TBC1D22A: variants seen among roughly 807,000 people sequenced by gnomAD.
TBC1D22A encodes the protein putative GTPase activator.
A neutral mutation model predicts 60.2 loss-of-function variants in TBC1D22A; 38 were observed. That is an observed-to-expected ratio of 0.63 (90% CI 0.49 to 0.83). The LOEUF is 0.83. Among genes scored for constraint, TBC1D22A ranks in the 40% least tolerant of loss-of-function variants. The pLI, the probability that TBC1D22A is intolerant of heterozygous loss-of-function variation, is 0.00. For synonymous variants in TBC1D22A, 302 were observed against 281.7 expected, an observed-to-expected ratio of 1.07 and a Z score of -0.72; for missense variants, 628 against 701.0, an observed-to-expected ratio of 0.90 and a Z score of 1.18.
rs188464600 is a variant in TBC1D22A, at chr22:46,843,598, C to T, written c.638-35055C>T. ...AAGTTGGGGCTGGGAGTGGGTATCACGCGTTCTGTAGATGACGTCTGTAGA... is the reference window on the plus strand; with the variant it reads ...AAGTTGGGGCTGGGAGTGGGTATCATGCGTTCTGTAGATGACGTCTGTAGA... On this transcript the variant is annotated intron_variant, in intron 4 of 12. Transcript: ENST00000337137. Among the ~76,000 whole-genome samples the T allele has an allele frequency of 5.6e-4, 85 of 152,082 alleles. 1 individual carries two copies. The highest frequency in any genetic ancestry group is 2.6e-3 in the Admixed American group (39 of 15,294).
intron 7 of TBC1D22A, among the ~76,000 whole-genome samples, 196 bp from the exon 8 acceptor site, chr22:46,911,878 C>G (rs1336739297): frequency 1.3e-5 from 2 of 150,240 alleles, no homozygotes; most frequent in Non-Finnish European, 2.9e-5. Context: ...GAGATGGCAC[C>G]ACTGCACTCT....
At chr22:46,816,881 T>C (rs552930240) in intron 4 of TBC1D22A, among the ~76,000 whole-genome samples, 2 of 152,232 alleles carry the variant, frequency 1.3e-5, no homozygotes, top group East Asian at 1.9e-4. Context: ...TTCCCTCTGA[T>C]TGAACCTCAT....
At chr22:47,159,215 G>A (rs992436134) in intron 12 of TBC1D22A, among the ~76,000 whole-genome samples, 2 of 145,080 alleles carry the variant, frequency 1.4e-5, no homozygotes, top group Non-Finnish European at 3.0e-5. Flanking sequence ...CATACACCAT[G>A]TATGCACACA....
At chr22:47,087,680 T>C (rs1316819348) in intron 11 of TBC1D22A, among the ~76,000 whole-genome samples, 2 of 152,354 alleles carry the variant, frequency 1.3e-5, no homozygotes, top group South Asian at 2.1e-4. Flanking sequence ...TAAGTAATTA[T>C]GATAATGTTA....
At chr22:46,866,925 C>G (rs974629108) in intron 4 of TBC1D22A, among the ~76,000 whole-genome samples, 6 of 152,256 alleles carry the variant, frequency 3.9e-5, no homozygotes, top group Non-Finnish European at 8.8e-5. Flanking sequence ...CGGCATGGAT[C>G]ACCAAGGACA....
chr22:47,109,464 C>G (rs577713224), intron 11 of TBC1D22A, among the ~76,000 whole-genome samples: 2 of 152,204 alleles, frequency 1.3e-5, no homozygotes, highest in South Asian at 2.1e-4. Flanking sequence ...GTTCTGTGGT[C>G]TGGCCCCAGC....
At chr22:47,101,969 C>T (rs2065434270) in intron 11 of TBC1D22A, among the ~76,000 whole-genome samples, 3 of 152,176 alleles carry the variant, frequency 2.0e-5, no homozygotes, top group Admixed American at 2.0e-4. Context: ...GATGGTATTT[C>T]CTCATCTAGT....
rs185303879 is a variant in TBC1D22A at position 46,823,181 on chromosome 22, A to C, written c.637+25561A>C. 3.5e-4 allele frequency among the ~76,000 whole-genome samples: 53 copies of C among 152,328 alleles called. 1 individual carries two copies. In the East Asian group the frequency reaches 9.8e-3, roughly 28 times the overall value. On this transcript the variant is annotated intron_variant, in intron 4 of 12. Transcript: ENST00000337137. ...GAATGAGGTATAAGGTTGAGGGTCC[A>C]TGACAGTGTCTCTGTGAAGAATCCA...
chr22:47,092,709 C>T (rs578190594), intron 11 of TBC1D22A, among the ~76,000 whole-genome samples: 1 of 152,324 alleles, frequency 6.6e-6, no homozygotes, highest in Admixed American at 6.5e-5. Context: ...CCTTCTCTGA[C>T]CCCTATGCTC....
chr22:47,083,348 GACACACACAC>G (rs10549216), intron 11 of TBC1D22A, among the ~76,000 whole-genome samples: 11,349 of 148,628 alleles, frequency 0.076, 475 homozygotes, highest in Admixed American at 0.14. Context: ...ATACTTAGAA[GACACACACAC>G]ACACACACAC....
chr22:47,050,798 G>A (rs1395866179), intron 11 of TBC1D22A, among the ~76,000 whole-genome samples: 3 of 152,180 alleles, frequency 2.0e-5, no homozygotes, highest in African/African-American at 2.4e-5. Flanking sequence ...GTGGAGGTGG[G>A]GGGATGGTGA....
At chr22:46,964,439 A>G (rs961978882) in intron 8 of TBC1D22A, among the ~76,000 whole-genome samples, 3 of 152,192 alleles carry the variant, frequency 2.0e-5, no homozygotes, top group African/African-American at 7.2e-5. Flanking sequence ...TCTTTGTTAA[A>G]GGGAGGCCCG....
Position 47,158,023 on chromosome 22 carries a change from G to T in TBC1D22A, c.1426-15475G>T, listed in dbSNP as rs146803288. Among the ~76,000 whole-genome samples, 168 of 152,300 alleles carry T rather than the reference G, an allele frequency of 1.1e-3. 1 individual carries two copies. Among genetic ancestry groups the T allele is most frequent in the Non-Finnish European group, 2.0e-3 (138 of 68,016 alleles). ...ACCCTCCAGCCGGCAGGCGTGCCTG[G>T]GCTTCCCCTACGGCCATCCTTGCAC... On this transcript the variant is annotated intron_variant, in intron 12 of 12. Transcript: ENST00000337137.
In TBC1D22A at chr22:47,173,569, C is replaced by T. The variant is rs145323531; in HGVS notation, c.1497C>T (p.Ala499=). ...WDDEDISLLL[A]EAYRLKFAFA... Reference sequence around the variant, plus strand: ...ATGAGGACATCAGCCTGTTGCTGGCCGAGGCCTACCGCCTCAAGTTTGCTT... The same window carrying T: ...ATGAGGACATCAGCCTGTTGCTGGCTGAGGCCTACCGCCTCAAGTTTGCTT... Residue 499 remains alanine (A), a synonymous_variant, in exon 13 of 13, where the codon GCC becomes GCT. Coordinates refer to ENST00000337137, the MANE Select transcript of TBC1D22A (RefSeq NM_014346.5). 4.3e-6 allele frequency: 7 copies of T among 1,614,160 alleles called. No homozygotes were observed. The highest frequency in any genetic ancestry group is 1.7e-5 in the Admixed American group (1 of 60,030).
intron 11 of TBC1D22A, among the ~76,000 whole-genome samples, chr22:47,090,011 C>T (rs1374537757): frequency 2.6e-5 from 4 of 152,158 alleles, no homozygotes; most frequent in Admixed American, 6.5e-5. Context: ...GCGTGGCATT[C>T]GCTCACCCTC....
chr22:46,927,232 A>G (rs968857756), intron 8 of TBC1D22A, among the ~76,000 whole-genome samples: 1 of 152,216 alleles, frequency 6.6e-6, no homozygotes, highest in East Asian at 1.9e-4. Flanking sequence ...AAATCTAGCA[A>G]CGTATTGAAA....
Position 47,040,963 on chromosome 22 carries a change from G to T in TBC1D22A, c.1329+3765G>T, listed in dbSNP as rs571730164. Among the ~76,000 whole-genome samples, 305 of 152,268 alleles carry T rather than the reference G, an allele frequency of 2.0e-3. 1 individual carries two copies. Among genetic ancestry groups the T allele is most frequent in the African/African-American group, 7.1e-3 (293 of 41,548 alleles). On this transcript the variant is annotated intron_variant, in intron 11 of 12. Transcript: ENST00000337137. ...TGCCTTCAGGGCTGCGGGTACACCT[G>T]AAACGGTTACTTACGCTGCTTTAGA...
intron 4 of TBC1D22A, among the ~76,000 whole-genome samples, chr22:46,815,266 G>A (rs929281585): frequency 3.3e-5 from 5 of 152,166 alleles, no homozygotes; most frequent in African/African-American, 1.2e-4. Context: ...AGAGCTGTGC[G>A]GCGGTCGCTT....
chr22:47,169,467 G>C (rs555416198), intron 12 of TBC1D22A, among the ~76,000 whole-genome samples: 138 of 152,288 alleles, frequency 9.1e-4, no homozygotes, highest in African/African-American at 3.2e-3. Flanking sequence ...TGAGCTCCTT[G>C]GGTGCTGATG....
Sources: allele counts gnomAD v4.1 joint callset (sites outside exome capture counted in the v4.1 genomes callset), GRCh38; gene constraint gnomAD v4.1.1; transcripts MANE v1.5; gene names NCBI Gene and HGNC (gene_info 2026-07-23, HGNC 2026-07-21).